The following MACROD2 variants were observed in gnomAD, a reference collection of about 807,000 sequenced individuals.
MACROD2 encodes the protein ADP-ribose glycohydrolase MACROD2.
In MACROD2, 36 loss-of-function variants were observed where a neutral mutation model predicts 70.4. The ratio of observed to expected loss-of-function variants is 0.51; its 90% CI spans 0.39 to 0.68. The LOEUF (loss-of-function observed/expected upper bound fraction) is 0.68, where lower values mean the gene tolerates loss of function less well. MACROD2 is among the 30% of genes least tolerant of loss of function. MACROD2 has a pLI of 0.00. For synonymous variants in MACROD2, 172 were observed against 178.8 expected, an observed-to-expected ratio of 0.96 and a Z score of 0.30; for missense variants, 496 against 538.4, an observed-to-expected ratio of 0.92 and a Z score of 0.78.
chr20:14,292,617 T>C (rs1468840861), intron 3 of MACROD2, among the ~76,000 whole-genome samples: 1 of 151,874 alleles, frequency 6.6e-6, no homozygotes, highest in African/African-American at 2.4e-5. Flanking sequence ...TAAAAGCTCA[T>C]TCATTCATTC....
At chr20:15,055,792 A>G (rs2075479861) in intron 5 of MACROD2, among the ~76,000 whole-genome samples, 1 of 144,994 alleles carries the variant, frequency 6.9e-6, no homozygotes, top group East Asian at 2.0e-4. Context: ...GACAGAAAGC[A>G]ACATCTTTTT....
intron 2 of MACROD2, among the ~76,000 whole-genome samples, chr20:14,068,233 A>G (rs1279957940): frequency 6.6e-6 from 1 of 152,126 alleles, no homozygotes; most frequent in Non-Finnish European, 1.5e-5. Context: ...TCCTTGGATA[A>G]AAATCTTAGC....
intron 5 of MACROD2, among the ~76,000 whole-genome samples, chr20:14,852,304 A>G (rs1418018306): frequency 6.6e-6 from 1 of 152,080 alleles, no homozygotes; most frequent in African/African-American, 2.4e-5. Flanking sequence ...AGATACACAG[A>G]GCTAAAAGGA....
intron 8 of MACROD2, among the ~76,000 whole-genome samples, chr20:15,842,067 T>C (rs978065966): frequency 6.6e-6 from 1 of 152,016 alleles, no homozygotes; most frequent in African/African-American, 2.4e-5. Context: ...GAAGAGTCCA[T>C]GAGGTGAGGA....
At chr20:15,640,385 A>C (rs2146772825) in intron 8 of MACROD2, among the ~76,000 whole-genome samples, 1 of 152,274 alleles carries the variant, frequency 6.6e-6, no homozygotes, top group East Asian at 1.9e-4. Context: ...ACAGACGCAG[A>C]GTGACAAGAG....
intron 4 of MACROD2, among the ~76,000 whole-genome samples, chr20:14,528,539 T>C (rs2085263841): frequency 6.6e-6 from 1 of 152,164 alleles, no homozygotes; most frequent in African/African-American, 2.4e-5. Flanking sequence ...ATCCTCTCTG[T>C]CTACTACTTT....
At chr20:14,760,633 G>A (rs2072003616) in intron 5 of MACROD2, among the ~76,000 whole-genome samples, 1 of 151,932 alleles carries the variant, frequency 6.6e-6, no homozygotes, top group South Asian at 2.1e-4. Context: ...CATCCACCAG[G>A]CCTTTTGGTT....
rs555212970 is a variant in MACROD2 at position 14,101,033 on chromosome 20, T to C, written c.271+15305T>C. On this transcript the variant is annotated intron_variant, in intron 3 of 17. Transcript: ENST00000684519. ...ATATTTGTCAGTACAATTTTTTTAT[T>C]ATTTATTTTATCTGATTATTTTGGT... Among the ~76,000 whole-genome samples, 3 of 151,314 alleles carry C rather than the reference T, an allele frequency of 2.0e-5. No homozygotes were observed. In the South Asian group the frequency reaches 6.2e-4, roughly 31 times the overall value.
chr20:15,485,603 A>G (rs904905578), intron 7 of MACROD2, among the ~76,000 whole-genome samples: 1 of 152,158 alleles, frequency 6.6e-6, no homozygotes, highest in African/African-American at 2.4e-5. Context: ...AAGACGAACA[A>G]TGATGCCTGC....
chr20:15,522,226 C>G (rs1380276449), intron 8 of MACROD2, among the ~76,000 whole-genome samples: 1 of 152,210 alleles, frequency 6.6e-6, no homozygotes, highest in Non-Finnish European at 1.5e-5. Context: ...TCCTTCACCT[C>G]TCTCTAGTCC....
intron 8 of MACROD2, among the ~76,000 whole-genome samples, chr20:15,665,350 G>T (rs6135477): frequency 6.6e-6 from 1 of 151,890 alleles, no homozygotes; most frequent in African/African-American, 2.4e-5. Flanking sequence ...GTTGACGTGC[G>T]TGGATTCCTA....
chr20:15,069,237 A>G (rs1391061835), intron 5 of MACROD2, among the ~76,000 whole-genome samples: 1 of 152,206 alleles, frequency 6.6e-6, no homozygotes, highest in Non-Finnish European at 1.5e-5. Flanking sequence ...CTGAAAACCT[A>G]TACATAGATA....
At chr20:15,366,248 T>A (rs1361007712) in intron 6 of MACROD2, among the ~76,000 whole-genome samples, 2 of 152,188 alleles carry the variant, frequency 1.3e-5, no homozygotes, top group Admixed American at 1.3e-4. Flanking sequence ...GTTTCCAATC[T>A]CCTTTTTTTC....
At position 14,077,985 on chromosome 20, in the gene MACROD2, C is replaced by T. The variant is rs140212665; in HGVS notation, c.164-7636C>T. On this transcript the variant is annotated intron_variant, in intron 2 of 17. Coordinates refer to ENST00000684519, the MANE Select transcript of MACROD2 (RefSeq NM_001351661.2). ...TGGTGCGATCTCGGCTCACTGCAAC[C>T]TCTGCCTCCTGGGTTCAAGCGATTC... is the stretch of plus-strand genomic sequence containing the variant. Among the ~76,000 whole-genome samples the T allele has an allele frequency of 5.4e-3, 815 of 151,424 alleles. 8 individuals are homozygous for T. Among genetic ancestry groups the T allele is most frequent in the Middle Eastern group, 0.037 (11 of 294 alleles).
chr20:14,276,097 T>G lies in MACROD2; in HGVS notation c.271+190369T>G, dbSNP rs533717936. Among the ~76,000 whole-genome samples, 5 of 151,926 alleles carry G rather than the reference T, an allele frequency of 3.3e-5. No individual in the cohort carries two copies. The South Asian group carries it at 8.3e-4, about 25-fold the overall frequency. On this transcript the variant is annotated intron_variant, in intron 3 of 17. Transcript: ENST00000684519. ...TTCCTCAGGGATCTAGAACTAGAAA[T>G]ACCATTTGACCCAGCCATCCCATTA...
chr20:15,858,752 A>G (rs893993107), intron 8 of MACROD2, among the ~76,000 whole-genome samples: 19 of 152,260 alleles, frequency 1.2e-4, no homozygotes, highest in African/African-American at 4.6e-4. Flanking sequence ...CTGCTTCCTC[A>G]TGGCATGGTG....
chr20:14,976,921 G>A (rs1013416079), intron 5 of MACROD2, among the ~76,000 whole-genome samples: 2 of 149,558 alleles, frequency 1.3e-5, no homozygotes, highest in African/African-American at 5.1e-5. Context: ...TATTATTCCT[G>A]CAATTATTTT....
At chr20:15,231,321 A>G (rs1601267261) in intron 6 of MACROD2, among the ~76,000 whole-genome samples, 1 of 152,220 alleles carries the variant, frequency 6.6e-6, no homozygotes, top group East Asian at 1.9e-4. Flanking sequence ...AGAATGGAGC[A>G]AAGTATACCA....
intron 2 of MACROD2, among the ~76,000 whole-genome samples, chr20:14,036,132 ACT>A (rs1406978980): frequency 6.7e-6 from 1 of 149,850 alleles, no homozygotes; most frequent in Non-Finnish European, 1.5e-5. Context: ...ACAGAGCGAG[ACT>A]CCGTCTCAAA....
Sources: allele counts gnomAD v4.1 joint callset (sites outside exome capture counted in the v4.1 genomes callset), GRCh38; gene constraint gnomAD v4.1.1; transcripts MANE v1.5; gene names NCBI Gene and HGNC (gene_info 2026-07-23, HGNC 2026-07-21).